Variants in GXYLT1 observed in about 807,000 individuals in gnomAD.
The protein encoded by GXYLT1 is glucoside xylosyltransferase 1.
GXYLT1 carries 29 observed loss-of-function variants against 54.0 expected under a neutral mutation model. That is an observed-to-expected ratio of 0.54 (90% CI 0.40 to 0.73). The LOEUF is 0.73. Among genes scored for constraint, GXYLT1 ranks in the 30% least tolerant of loss-of-function variants. The probability of loss-of-function intolerance (pLI) is 0.00; values close to 1 mark genes in which losing one functional copy is unlikely to be tolerated. For synonymous variants in GXYLT1, 176 were observed against 204.1 expected, an observed-to-expected ratio of 0.86 and a Z score of 1.17; for missense variants, 490 against 553.4, an observed-to-expected ratio of 0.89 and a Z score of 1.15.
intron 1 of GXYLT1, among the ~76,000 whole-genome samples, chr12:42,133,231 T>C (rs1346662579): frequency 6.6e-6 from 1 of 152,040 alleles, no homozygotes; most frequent in Non-Finnish European, 1.5e-5. Context: ...TGAGCCAAGA[T>C]CATTCCATTG....
chr12:42,133,965 C>T (rs528358098), intron 1 of GXYLT1, among the ~76,000 whole-genome samples: 2 of 152,016 alleles, frequency 1.3e-5, no homozygotes, highest in African/African-American at 2.4e-5. Context: ...AGGAGGCCGA[C>T]GTGGGTGGAT....
In GXYLT1 at chr12:42,140,279, G is replaced by C. The variant is rs1001313361; in HGVS notation, c.221+4147C>G. On this transcript the variant is annotated intron_variant, in intron 1 of 7. Coordinates refer to ENST00000398675, the MANE Select transcript of GXYLT1 (RefSeq NM_173601.2). ...TTCTCAATTTTTGGTTTTATAACAA[G>C]CTGGAGCACATATCTAAAACATAAA... Among the ~76,000 whole-genome samples the C allele has an allele frequency of 5.0e-5, 7 of 139,328 alleles. No homozygotes were observed. The East Asian group carries it at 1.5e-3, about 30-fold the overall frequency. The allele number at this position is 139,328 out of a possible 152,430, so 91.4% of individuals were successfully genotyped here. A position where few individuals can be genotyped will look rare whatever the true frequency, so the allele number is the denominator to read the frequency against.
At chr12:42,119,893 C>T (rs2065520363) in intron 2 of GXYLT1, among the ~76,000 whole-genome samples, 1 of 152,178 alleles carries the variant, frequency 6.6e-6, no homozygotes, top group South Asian at 2.1e-4. Flanking sequence ...CGTATTTCCA[C>T]ACTCTCAACC....
rs1393778760 is a variant in GXYLT1, at chr12:42,116,575, G to A, written c.486+2425C>T. ...GAGAAATGCAAATCAAAACCACAAC[G>A]AGATACCATCTCACACCAGTTAGAA... is the stretch of plus-strand genomic sequence containing the variant. On this transcript the variant is annotated intron_variant, in intron 3 of 7. Transcript: ENST00000398675. Among the ~76,000 whole-genome samples the A allele has an allele frequency of 2.6e-5, 4 of 152,104 alleles. No individual in the cohort carries two copies. In the South Asian group the frequency reaches 8.3e-4, roughly 32 times the overall value.
chr12:42,113,725 CAG>C (rs1434889443), intron 3 of GXYLT1, among the ~76,000 whole-genome samples: 1 of 150,938 alleles, frequency 6.6e-6, no homozygotes, highest in African/African-American at 2.5e-5. Context: ...ATCAACGAGA[CAG>C]AAAGTTAACA....
chr12:42,115,750 T>C (rs1378793211), intron 3 of GXYLT1, among the ~76,000 whole-genome samples: 1 of 151,892 alleles, frequency 6.6e-6, no homozygotes, highest in African/African-American at 2.4e-5. Context: ...AAGCTACCAA[T>C]GACTTTCTTC....
intron 1 of GXYLT1, among the ~76,000 whole-genome samples, chr12:42,143,864 CTGAG>C (rs779312248): frequency 5.3e-5 from 8 of 152,190 alleles, no homozygotes; most frequent in African/African-American, 9.7e-5. Context: ...TCTTAATAAA[CTGAG>C]TGTTTCCAAA....
At chr12:42,113,118 G>A in intron 3 of GXYLT1, among the ~76,000 whole-genome samples, 2 of 150,978 alleles carry the variant, frequency 1.3e-5, no homozygotes, top group Admixed American at 6.6e-5. Flanking sequence ...CCCTAAAAGA[G>A]CTCCTGAAGG....
At chr12:42,128,036 A>G (rs2065573373) in intron 2 of GXYLT1, among the ~76,000 whole-genome samples, 1 of 152,204 alleles carries the variant, frequency 6.6e-6, no homozygotes. Flanking sequence ...TACAATTAAT[A>G]GATACTTACA....
chr12:42,137,502 T>TTAAAA (rs2065626337), intron 1 of GXYLT1, among the ~76,000 whole-genome samples: 1 of 35,562 alleles, frequency 2.8e-5, no homozygotes, highest in Non-Finnish European at 5.6e-5. Flanking sequence ...AGCATCTGTT[T>TTAAAA]CAAAAAAAAA....
rs887152099 is a variant in GXYLT1, at chr12:42,129,661, T to C, written c.314+98A>G. 10 of 725,152 alleles carry C rather than the reference T, an allele frequency of 1.4e-5. No individual in the cohort carries two copies. In the African/African-American group the frequency reaches 1.8e-4, roughly 13 times the overall value. 44.9% of individuals were successfully genotyped at this position (725,152 alleles called of 1,614,324 possible). ...ATAAGAAAATAAATTATTTGTATAA[T>C]ATCATAAGAAACATTCTTACATCCT... On this transcript the variant is annotated intron_variant, in intron 2 of 7. Coordinates refer to ENST00000398675, the MANE Select transcript of GXYLT1 (RefSeq NM_173601.2).
At position 42,097,426 on chromosome 12, in the gene GXYLT1, G is replaced by A. The variant is rs1281328726; in HGVS notation, c.1161+16C>T. 2.6e-6 allele frequency: 4 copies of A among 1,532,616 alleles called. No individual in the cohort carries two copies. Among genetic ancestry groups the A allele is most frequent in the Non-Finnish European group, 2.6e-6 (3 of 1,151,960 alleles). The allele number at this position is 1,532,616 out of a possible 1,614,324, so 94.9% of individuals were successfully genotyped here. A position where few individuals can be genotyped will look rare whatever the true frequency, so the allele number is the denominator to read the frequency against. On this transcript the variant is annotated intron_variant, in intron 7 of 7. Transcript: ENST00000398675. ...TTTCAAACAAAAAGTTAAAAAAAAG[G>A]AAAGGCAAATCTTACATTTCTCAGT...
In GXYLT1 at chr12:42,144,653, GGCCGCGCTCCTCCTTCGCCGCC is replaced by G; in HGVS notation, c.-29_-8del. The G allele has an allele frequency of 1.5e-6, 2 of 1,377,602 alleles. No individual in the cohort carries two copies. Among genetic ancestry groups the G allele is most frequent in the Non-Finnish European group, 1.9e-6 (2 of 1,039,600 alleles). 85.3% of individuals were successfully genotyped at this position (1,377,602 alleles called of 1,614,324 possible). A position where few individuals can be genotyped will look rare whatever the true frequency, so the allele number is the denominator to read the frequency against. ...CGCGCAGGTAGCGCCGCATCGCCCC[GGCCGCGCTCCTCCTTCGCCGCC>G]GCCGCCGCGCCCGCCCCGACGAACT... On this transcript the variant is annotated 5_prime_UTR_variant, in exon 1 of 8. Transcript: ENST00000398675.
Position 42,144,636 on chromosome 12 carries a change from T to C in GXYLT1, c.11A>G (p.Tyr4Cys). The C allele has an allele frequency of 6.9e-7, 1 of 1,457,706 alleles. No homozygotes were observed. Among genetic ancestry groups the C allele is most frequent in the Non-Finnish European group, 9.1e-7 (1 of 1,103,040 alleles). 90.3% of individuals were successfully genotyped at this position (1,457,706 alleles called of 1,614,324 possible). The change falls in exon 1 of 8, where the codon TAC becomes TGC. Residue 4 changes from tyrosine to cysteine, a missense_variant. Around this residue, in one of 2 missense-constraint regions of GXYLT1, gnomAD observed 148 missense variants for 210.7 expected, o/e 0.70. Transcript: ENST00000398675. MRR[Y>C]LRVVVLCVAC... The stretch of plus-strand genomic sequence containing the variant: ...CACACACAGCACCACGACGCGCAGG[T>C]AGCGCCGCATCGCCCCGGCCGCGCT...
chr12:42,091,287 ATTT>A (rs67706143), intron 7 of GXYLT1, among the ~76,000 whole-genome samples: 1 of 151,808 alleles, frequency 6.6e-6, no homozygotes, highest in Non-Finnish European at 1.5e-5. Context: ...TAAAAATAAG[ATTT>A]TTTTAAAAAA....
intron 1 of GXYLT1, among the ~76,000 whole-genome samples, chr12:42,142,870 C>G (rs774642259): frequency 3.3e-5 from 5 of 152,052 alleles, no homozygotes; most frequent in Admixed American, 6.6e-5. Context: ...GATAAATACA[C>G]CTATAGTTCT....
intron 4 of GXYLT1, among the ~76,000 whole-genome samples, chr12:42,108,163 G>T (rs570044052): frequency 2.6e-5 from 4 of 152,292 alleles, no homozygotes; most frequent in African/African-American, 9.6e-5. Context: ...GATTTAACTA[G>T]ATTACATCAT....
intron 7 of GXYLT1, among the ~76,000 whole-genome samples, chr12:42,096,573 T>C (rs922694161): frequency 5.9e-5 from 9 of 152,314 alleles, no homozygotes; most frequent in East Asian, 5.8e-4. Flanking sequence ...ATCTTCCTTA[T>C]AGACGCATGC....
At position 42,087,276 on chromosome 12, in the gene GXYLT1, A is replaced by G. The variant is rs2065299455; in HGVS notation, c.*510T>C. The G allele has an allele frequency of 6.6e-6, 1 of 152,506 alleles. No homozygotes were observed. Among genetic ancestry groups the G allele is most frequent in the Non-Finnish European group, 1.5e-5 (1 of 68,236 alleles). The allele number at this position is 152,506 out of a possible 1,614,324, so 9.4% of individuals were successfully genotyped here. ...ATATTTTAAAACAGAGATGAAATGT[A>G]TAAAGGCACACATAGATTGTCAATG... On this transcript the variant is annotated 3_prime_UTR_variant, in exon 8 of 8. Transcript: ENST00000398675.
Sources: allele counts gnomAD v4.1 joint callset (sites outside exome capture counted in the v4.1 genomes callset), GRCh38; gene constraint gnomAD v4.1.1; regional missense constraint gnomAD v4.1.1; transcripts MANE v1.5; gene names NCBI Gene and HGNC (gene_info 2026-07-23, HGNC 2026-07-21).